KCNH8: variants seen among roughly 807,000 people sequenced by gnomAD.
KCNH8 encodes the protein potassium voltage-gated channel subfamily H member 8.
KCNH8 carries 70 observed loss-of-function variants against 103.6 expected under a neutral mutation model. That is an observed-to-expected ratio of 0.68 (90% confidence interval 0.56 to 0.82). The LOEUF (loss-of-function observed/expected upper bound fraction) is 0.82. Among genes scored for constraint, KCNH8 ranks in the 40% least tolerant of loss-of-function variants. KCNH8 has a pLI of 0.00. For missense variants in KCNH8, 1,217 were observed against 1,329.9 expected, an observed-to-expected ratio of 0.92 and a Z score of 1.32; for synonymous variants, 498 against 489.4, an observed-to-expected ratio of 1.02 and a Z score of -0.23.
At chr3:19,406,512 G>C (rs1315787888) in intron 7 of KCNH8, among the ~76,000 whole-genome samples, 1 of 152,126 alleles carries the variant, frequency 6.6e-6, no homozygotes, top group Non-Finnish European at 1.5e-5. Flanking sequence ...ACAGTAAGAA[G>C]CAAGGGAGAT....
intron 11 of KCNH8, among the ~76,000 whole-genome samples, chr3:19,490,703 A>C (rs1288360860): frequency 6.6e-6 from 1 of 152,150 alleles, no homozygotes; most frequent in South Asian, 2.1e-4. Context: ...TCCCCCCCTT[A>C]AAGTGAGCAA....
intron 3 of KCNH8, among the ~76,000 whole-genome samples, 181 bp downstream of exon 3, chr3:19,281,510 C>T (rs554456920): frequency 6.6e-5 from 10 of 152,028 alleles, no homozygotes; most frequent in Non-Finnish European, 1.0e-4. Flanking sequence ...TACATTCTAT[C>T]GTCTTTATAA....
At chr3:19,481,148 T>C (rs2068078715) in intron 11 of KCNH8, among the ~76,000 whole-genome samples, 1 of 152,186 alleles carries the variant, frequency 6.6e-6, no homozygotes. Flanking sequence ...TCTTTATCTC[T>C]CTCAAGACTT....
At chr3:19,150,523 GC>G (rs1260951397) in intron 1 of KCNH8, among the ~76,000 whole-genome samples, 1 of 152,074 alleles carries the variant, frequency 6.6e-6, no homozygotes, top group African/African-American at 2.4e-5. Context: ...GGGAATTACT[GC>G]AGTGATACAT....
At chr3:19,208,842 G>A (rs75593423) in intron 1 of KCNH8, among the ~76,000 whole-genome samples, 6,154 of 151,876 alleles carry the variant, frequency 0.041, 430 homozygotes, top group African/African-American at 0.14. Context: ...TAGAAAAGAC[G>A]GGAAAACGGG....
At chr3:19,329,368 C>T (rs933564053) in intron 3 of KCNH8, among the ~76,000 whole-genome samples, 17 of 152,158 alleles carry the variant, frequency 1.1e-4, no homozygotes, top group African/African-American at 4.1e-4. Flanking sequence ...AAGGCTTCAT[C>T]ACCAAGATTT....
intron 3 of KCNH8, among the ~76,000 whole-genome samples, chr3:19,312,690 A>G (rs937965005): frequency 6.6e-6 from 1 of 151,920 alleles, no homozygotes; most frequent in Non-Finnish European, 1.5e-5. Context: ...GGCTCTTGTT[A>G]GTATTATGAT....
At chr3:19,242,843 G>C (rs190632381) in intron 1 of KCNH8, among the ~76,000 whole-genome samples, 1 of 152,284 alleles carries the variant, frequency 6.6e-6, no homozygotes, top group Admixed American at 6.5e-5. Context: ...GGTGGATGAA[G>C]TGAACAAGGA....
chr3:19,342,521 CA>C, intron 3 of KCNH8, 65 bp from the exon 4 acceptor site: 30 of 1,519,982 alleles, frequency 2.0e-5, no homozygotes, highest in Non-Finnish European at 2.7e-5. Context: ...AGGGAACTGT[CA>C]AAATGACATT....
chr3:19,449,986 A>G, intron 8 of KCNH8, 120 bp from the exon 9 acceptor site: 1 of 766,560 alleles, frequency 1.3e-6, no homozygotes, highest in Middle Eastern at 2.4e-4. Flanking sequence ...AGCTGTATCA[A>G]CATGGCCATG....
chr3:19,467,027 TTAA>T (rs778366516), intron 11 of KCNH8, among the ~76,000 whole-genome samples: 2 of 146,152 alleles, frequency 1.4e-5, no homozygotes, highest in Non-Finnish European at 2.9e-5. Context: ...TAATGCACAC[TTAA>T]TAGACTACAG....
chr3:19,187,965 G>T (rs111735837), intron 1 of KCNH8, among the ~76,000 whole-genome samples: 5 of 151,808 alleles, frequency 3.3e-5, no homozygotes, highest in Non-Finnish European at 7.4e-5. Flanking sequence ...CACTATACAC[G>T]TACCAGCGTC....
At chr3:19,422,343 T>C (rs1484994592) in intron 7 of KCNH8, among the ~76,000 whole-genome samples, 3 of 152,132 alleles carry the variant, frequency 2.0e-5, no homozygotes, top group Non-Finnish European at 4.4e-5. Context: ...AATTTATATT[T>C]AAATAATACA....
At chr3:19,529,660 T>C (rs1184117867) in intron 15 of KCNH8, among the ~76,000 whole-genome samples, 1 of 152,188 alleles carries the variant, frequency 6.6e-6, no homozygotes, top group Admixed American at 6.5e-5. Context: ...TTGATGGCAT[T>C]TTCTGTGGCA....
At chr3:19,489,994 A>C (rs1304546461) in intron 11 of KCNH8, among the ~76,000 whole-genome samples, 3 of 152,210 alleles carry the variant, frequency 2.0e-5, no homozygotes, top group Admixed American at 6.5e-5. Flanking sequence ...TCCAAGTGCC[A>C]GTTCCTTCCC....
rs534224675 is a variant in KCNH8, at chr3:19,260,433, A to G, written c.310+6546A>G. 4.9e-5 allele frequency among the ~76,000 whole-genome samples: 7 copies of G among 144,260 alleles called. No homozygotes were observed. In the South Asian group the frequency reaches 1.5e-3, roughly 32 times the overall value. The allele number at this position is 144,260 out of a possible 152,430, so 94.6% of individuals were successfully genotyped here. Reference sequence around the variant, plus strand: ...ACAGATAATTACAGTAAGAAACATTACTTACTTAAAAACATTTTTATTGTG... The same window carrying G: ...ACAGATAATTACAGTAAGAAACATTGCTTACTTAAAAACATTTTTATTGTG... On this transcript the variant is annotated intron_variant, in intron 2 of 15. Transcript: ENST00000328405.
intron 2 of KCNH8, among the ~76,000 whole-genome samples, chr3:19,260,812 G>T (rs111265191): frequency 1.2e-4 from 18 of 147,760 alleles, no homozygotes; most frequent in African/African-American, 4.4e-4. Flanking sequence ...CTATATATTT[G>T]ATCTGTTTTT....
intron 3 of KCNH8, among the ~76,000 whole-genome samples, chr3:19,298,670 C>T (rs1465823943): frequency 3.3e-5 from 5 of 152,020 alleles, no homozygotes; most frequent in African/African-American, 1.2e-4. Flanking sequence ...CGCCTGTAAT[C>T]CCAGCACTTT....
chr3:19,374,118 A>C (rs528821886), intron 5 of KCNH8, among the ~76,000 whole-genome samples: 1 of 151,296 alleles, frequency 6.6e-6, no homozygotes, highest in Non-Finnish European at 1.5e-5. Context: ...GTAGATGTCT[A>C]TTAGGTCCAC....
Sources: allele counts gnomAD v4.1 joint callset (sites outside exome capture counted in the v4.1 genomes callset), GRCh38; gene constraint gnomAD v4.1.1; transcripts MANE v1.5; gene names NCBI Gene and HGNC (gene_info 2026-07-23, HGNC 2026-07-21).